The following DDR2 variants were observed in gnomAD, a reference collection of about 807,000 sequenced individuals.
The protein encoded by DDR2 is discoidin domain receptor tyrosine kinase 2, also known as discoidin domain-containing receptor 2.
A neutral mutation model predicts 94.9 loss-of-function variants in DDR2; 27 were observed. The ratio of observed to expected loss-of-function variants is 0.28; its 90% CI spans 0.21 to 0.39. The LOEUF (loss-of-function observed/expected upper bound fraction) is 0.39, where lower values mean the gene tolerates loss of function less well. Ranked by LOEUF, DDR2 falls within the 10% of genes least tolerant of loss-of-function variation. The pLI is 1.00. For missense variants in DDR2, 783 were observed against 1,076.0 expected (o/e 0.73, Z 3.81); for synonymous variants, 382 against 377.2 (o/e 1.01, Z -0.15).
chr1:162,699,470 A>C (rs1252147002), intron 2 of DDR2, among the ~76,000 whole-genome samples: 4 of 152,172 alleles, frequency 2.6e-5, no homozygotes, highest in Non-Finnish European at 4.4e-5. Flanking sequence ...GGACTGTAGC[A>C]GTTGTTCCAG....
chr1:162,673,784 C>T (rs1393431688), intron 2 of DDR2, among the ~76,000 whole-genome samples: 1 of 152,000 alleles, frequency 6.6e-6, no homozygotes, highest in Non-Finnish European at 1.5e-5. Flanking sequence ...TCCAGCATTT[C>T]CCCCCATGGA....
rs150266381 is a variant in DDR2, at chr1:162,633,867, C to T, written c.-192+1236C>T. 1.5e-3 allele frequency among the ~76,000 whole-genome samples: 230 copies of T among 152,282 alleles called. 4 individuals carry two copies. The highest frequency in any genetic ancestry group is 5.2e-3 in the African/African-American group (215 of 41,548). ...TAATACATAATTCATGCTCAGAGCT[C>T]TTCATACATAATTTGATTGACTCTC... On this transcript the variant is annotated intron_variant, in intron 1 of 17. Transcript: ENST00000367921.
chr1:162,764,407 A>AG (rs984132769), intron 9 of DDR2, among the ~76,000 whole-genome samples: 7 of 151,100 alleles, frequency 4.6e-5, no homozygotes, highest in East Asian at 1.9e-4. Flanking sequence ...AAAAAAAAAA[A>AG]AAAAGAAATG....
At chr1:162,741,068 C>T (rs532612744) in intron 3 of DDR2, among the ~76,000 whole-genome samples, 62 of 151,808 alleles carry the variant, frequency 4.1e-4, no homozygotes, top group African/African-American at 1.4e-3. Context: ...AGCTGTGGGC[C>T]TTCTGCCAGT....
At chr1:162,659,587 A>G (rs1225507109) in intron 2 of DDR2, among the ~76,000 whole-genome samples, 1 of 152,118 alleles carries the variant, frequency 6.6e-6, no homozygotes, top group Non-Finnish European at 1.5e-5. Context: ...CTGGGCTAAG[A>G]CATCTGGACA....
chr1:162,694,880 A>G (rs1660115229), intron 2 of DDR2, among the ~76,000 whole-genome samples: 1 of 152,134 alleles, frequency 6.6e-6, no homozygotes, highest in South Asian at 2.1e-4. Flanking sequence ...GTGTTCCATA[A>G]TTTCTCAGAC....
intron 7 of DDR2, 97 bp from the exon 8 acceptor site, chr1:162,759,699 A>G: frequency 5.0e-6 from 7 of 1,412,172 alleles, no homozygotes; most frequent in Non-Finnish European, 6.9e-6. Context: ...GCTCATACAA[A>G]ATCTGGAGTG....
intron 16 of DDR2, among the ~76,000 whole-genome samples, chr1:162,778,355 G>A (rs1199192738): frequency 6.6e-6 from 1 of 152,136 alleles, no homozygotes; most frequent in Non-Finnish European, 1.5e-5. Context: ...GCTTATGGCT[G>A]CGTTTTTTTC....
chr1:162,683,402 C>A (rs1014082278), intron 2 of DDR2, among the ~76,000 whole-genome samples: 8 of 151,934 alleles, frequency 5.3e-5, no homozygotes, highest in African/African-American at 1.9e-4. Flanking sequence ...GACATGATTG[C>A]CTACAGAAAA....
At chr1:162,732,552 G>A (rs1239081115) in intron 3 of DDR2, among the ~76,000 whole-genome samples, 4 of 152,186 alleles carry the variant, frequency 2.6e-5, no homozygotes, top group Non-Finnish European at 5.9e-5. Flanking sequence ...TATTTAACAC[G>A]GAGACATTAG....
chr1:162,741,675 C>T (rs1213188385), intron 3 of DDR2: 1 of 985,248 alleles, frequency 1.0e-6, no homozygotes, highest in Non-Finnish European at 1.2e-6. Flanking sequence ...CCAGGAGGTG[C>T]CTGAGGGAGA....
upstream of DDR2, among the ~76,000 whole-genome samples, chr1:162,631,641 G>T (rs908186642): frequency 2.6e-5 from 4 of 152,116 alleles, no homozygotes; most frequent in African/African-American, 7.2e-5. Flanking sequence ...GATGGAGAGG[G>T]TTATTAGTTA....
chr1:162,761,385 A>G lies in DDR2; in HGVS notation c.1030A>G (p.Ser344Gly). Reference sequence around the variant, plus strand: ...GGTGCCTCTCCACCACCGAATGGCCAGTGCCATCAAGTGTCAATACCATTT... The same window carrying G: ...GGTGCCTCTCCACCACCGAATGGCCGGTGCCATCAAGTGTCAATACCATTT... ...VTVPLHHRMA[S>G]AIKCQYHFAD... The change falls in exon 9 of 18, where the codon AGT (serine) becomes GGT (glycine). Residue 344 changes from serine to glycine, a missense_variant. Around this residue, in one of 2 missense-constraint regions of DDR2, gnomAD observed 519 missense variants for 647.9 expected, o/e 0.80. Coordinates refer to ENST00000367921, the MANE Select transcript of DDR2 (RefSeq NM_006182.4). 6.2e-7 allele frequency: 1 copy of G among 1,614,218 alleles called. No homozygotes were observed. The highest frequency in any genetic ancestry group is 8.5e-7 in the Non-Finnish European group (1 of 1,180,036).
At chr1:162,736,849 C>T (rs1662321019) in intron 3 of DDR2, among the ~76,000 whole-genome samples, 1 of 152,098 alleles carries the variant, frequency 6.6e-6, no homozygotes, top group South Asian at 2.1e-4. Context: ...CATGAAAATT[C>T]CTGAAGGAGA....
At chr1:162,633,436 A>T (rs1040561342) in intron 1 of DDR2, among the ~76,000 whole-genome samples, 7 of 152,200 alleles carry the variant, frequency 4.6e-5, no homozygotes, top group African/African-American at 1.7e-4. Flanking sequence ...TTTGCCGATC[A>T]TTGGCTTCCT....
At chr1:162,742,600 ACCT>A (rs1207340946) in intron 3 of DDR2, among the ~76,000 whole-genome samples, 1 of 151,810 alleles carries the variant, frequency 6.6e-6, no homozygotes, top group East Asian at 1.9e-4. Flanking sequence ...CAAACACCCT[ACCT>A]CCTCTCCCAC....
At chr1:162,657,102 A>C (rs1474165403) in intron 2 of DDR2, among the ~76,000 whole-genome samples, 1 of 151,822 alleles carries the variant, frequency 6.6e-6, no homozygotes, top group African/African-American at 2.4e-5. Flanking sequence ...GCCCTCCTAA[A>C]GTGCTGGGAT....
rs368348755 is a variant in DDR2 at position 162,768,487 on chromosome 1, G to A, written c.1293+1128G>A. 1.1e-4 allele frequency among the ~76,000 whole-genome samples: 17 copies of A among 152,312 alleles called. No individual in the cohort carries two copies. In the South Asian group the frequency reaches 3.5e-3, roughly 32 times the overall value. On this transcript the variant is annotated intron_variant, in intron 11 of 17. Transcript: ENST00000367921. ...TCCTGATTGATTTCTGTGTTTGGGG[G>A]TGGGGACTCAGAGGAGACCAATGCC... is the stretch of plus-strand genomic sequence containing the variant.
At chr1:162,638,072 G>A (rs1656925272) in intron 1 of DDR2, among the ~76,000 whole-genome samples, 1 of 152,094 alleles carries the variant, frequency 6.6e-6, no homozygotes, top group Admixed American at 6.5e-5. Flanking sequence ...CCAGGCTGGA[G>A]TGCAATGGTG....
Sources: gnomAD v4.1 joint callset for allele counts (sites outside exome capture counted in the v4.1 genomes callset) on GRCh38, gnomAD v4.1.1 for gene constraint, gnomAD v4.1.1 regional missense constraint, MANE v1.5 for transcripts, NCBI Gene and HGNC (gene_info 2026-07-23, HGNC 2026-07-21) for gene names.